Variants in SRF observed in about 807,000 individuals in gnomAD.
The protein encoded by SRF is c-fos serum response element-binding transcription factor.
A neutral mutation model predicts 37.1 loss-of-function variants in SRF; 7 were observed. The observed-to-expected ratio is 0.19, with a 90% CI of 0.11 to 0.35. The LOEUF (loss-of-function observed/expected upper bound fraction) is 0.35, where lower values mean the gene tolerates loss of function less well. SRF is among the 10% of genes least tolerant of loss of function. SRF has a pLI of 1.00. For synonymous variants in SRF, 285 were observed against 310.1 expected (o/e 0.92, Z 0.85); for missense variants, 395 against 694.4 (o/e 0.57, Z 4.85).
Position 43,179,309 on chromosome 6 carries a change from C to T in SRF, c.*119C>T, listed in dbSNP as rs979032670. On this transcript the variant is annotated 3_prime_UTR_variant, in exon 7 of 7. Coordinates refer to ENST00000265354, the MANE Select transcript of SRF (RefSeq NM_003131.4). This position sits in a 1 kb window ranked among gnomAD's most constrained non-coding sequence, Gnocchi z 5.3. ...GCAGGAGGGAGGCGGGGAGGAGGAACGGGCAGCCACAGGACTGAGCCCTCT... is the reference window on the plus strand; with the variant it reads ...GCAGGAGGGAGGCGGGGAGGAGGAATGGGCAGCCACAGGACTGAGCCCTCT... 2.4e-5 allele frequency: 25 copies of T among 1,057,830 alleles called. No individual in the cohort carries two copies. Among genetic ancestry groups the T allele is most frequent in the Admixed American group, 1.0e-4 (5 of 48,712 alleles). The allele number at this position is 1,057,830 out of a possible 1,614,324, so 65.5% of individuals were successfully genotyped here.
chr6:43,171,792 G>A lies in SRF; in HGVS notation c.136G>A (p.Gly46Arg). ...CGGGGCTAACGGGGGCCGGGTCCCC[G>A]GGAATGGCGCGGGGCTCGGGCCCGG... ...TRGANGGRVP[G>R]NGAGLGPGRL... Residue 46 changes from glycine (G) to arginine (R), a missense_variant, in exon 1 of 7, where the codon GGG (glycine) becomes AGG (arginine). By Grantham distance (125) the Gly-to-Arg change is moderately radical (BLOSUM62 -2). Around this residue, in one of 4 missense-constraint regions of SRF, gnomAD observed 134 missense variants for 204.5 expected, o/e 0.66. Coordinates refer to ENST00000265354, the MANE Select transcript of SRF (RefSeq NM_003131.4). This position sits in a 1 kb window ranked among gnomAD's most constrained non-coding sequence, Gnocchi z 6.5. The A allele has an allele frequency of 8.2e-7, 1 of 1,218,814 alleles. No individual in the cohort carries two copies. Among genetic ancestry groups the A allele is most frequent in the Non-Finnish European group, 1.0e-6 (1 of 980,102 alleles). The allele number at this position is 1,218,814 out of a possible 1,614,324, so 75.5% of individuals were successfully genotyped here.
In SRF at chr6:43,180,655, TA is replaced by T. The variant is rs1388263103; in HGVS notation, c.*1466del. 3 of 152,620 alleles carry T rather than the reference TA, an allele frequency of 2.0e-5. No individual in the cohort carries two copies. The highest frequency in any genetic ancestry group is 7.2e-5 in the African/African-American group (3 of 41,428). 9.5% of individuals were successfully genotyped at this position (152,620 alleles called of 1,614,324 possible). ...GGTAGACCTTGAGGGTGGGCCAGCA[TA>T]GGGGGGAGGGTCTTTTACCCTGTGT... On this transcript the variant is annotated 3_prime_UTR_variant, in exon 7 of 7. Coordinates refer to ENST00000265354, the MANE Select transcript of SRF (RefSeq NM_003131.4).
rs764876728 is a variant in SRF, at chr6:43,178,465, A to C, written c.1334A>C (p.His445Pro). ...SQAPSTMQVSHSQVQEPGGVP... is the reference protein window; with the variant it reads ...SQAPSTMQVSPSQVQEPGGVP... ...GCACCATCCACCATGCAGGTGTCAC[A>C]CAGCCAGGTCCAGGAGCCAGGTGAG... Residue 445 changes from histidine to proline, a missense_variant, in exon 5 of 7, where the codon CAC (histidine) becomes CCC (proline). Physicochemically the swap from His to Pro is moderately conservative, Grantham distance 77 (BLOSUM62 -2). Transcript: ENST00000265354. This position sits in a 1 kb window ranked among gnomAD's most constrained non-coding sequence, Gnocchi z 4.3. 6.2e-7 allele frequency: 1 copy of C among 1,613,788 alleles called. No homozygotes were observed. Among genetic ancestry groups the C allele is most frequent in the Non-Finnish European group, 8.5e-7 (1 of 1,179,750 alleles).
At chr6:43,174,138 A>G (rs1288719097) in intron 2 of SRF, 25 bp downstream of exon 2, 1 of 1,612,050 alleles carries the variant, frequency 6.2e-7, no homozygotes, top group East Asian at 2.2e-5. Flanking sequence ...CCTATGTGAG[A>G]GGAGGGAAGG....
rs1772250341 is a variant in SRF at position 43,178,695 on chromosome 6, G to T, written c.1355-111G>T. 7.5e-7 allele frequency: 1 copy of T among 1,325,642 alleles called. No individual in the cohort carries two copies. The highest frequency in any genetic ancestry group is 1.1e-6 in the Non-Finnish European group (1 of 926,846). The allele number at this position is 1,325,642 out of a possible 1,614,324, so 82.1% of individuals were successfully genotyped here. A position where few individuals can be genotyped will look rare whatever the true frequency, so the allele number is the denominator to read the frequency against. ...CAGACACACTGGCACCCTTTCCCTT[G>T]GGCTCTTACATCTGAGACTGCCCCA... is the stretch of plus-strand genomic sequence containing the variant. On this transcript the variant is annotated intron_variant, in intron 5 of 6. Transcript: ENST00000265354. The surrounding 1 kb of genome is among the most constrained non-coding windows in gnomAD (Gnocchi z 4.3).
chr6:43,173,746 A>C lies in SRF; in HGVS notation c.514-101A>C. The C allele has an allele frequency of 2.1e-6, 3 of 1,455,792 alleles. No homozygotes were observed. In the South Asian group the frequency reaches 4.0e-5, roughly 20 times the overall value. The allele number at this position is 1,455,792 out of a possible 1,614,324, so 90.2% of individuals were successfully genotyped here. A position where few individuals can be genotyped will look rare whatever the true frequency, so the allele number is the denominator to read the frequency against. On this transcript the variant is annotated intron_variant, in intron 1 of 6. Transcript: ENST00000265354. The surrounding 1 kb of genome is among the most constrained non-coding windows in gnomAD (Gnocchi z 4.2). ...CATTAGAGACGAAGGTCATTATGGGAATGGGGGAATGACATCACTGTATAA... is the reference window on the plus strand; with the variant it reads ...CATTAGAGACGAAGGTCATTATGGGCATGGGGGAATGACATCACTGTATAA...
intron 2 of SRF, among the ~76,000 whole-genome samples, chr6:43,174,333 C>T (rs1038364303): frequency 6.6e-6 from 1 of 152,250 alleles, no homozygotes; most frequent in Non-Finnish European, 1.5e-5. Flanking sequence ...TTGGGCTCCA[C>T]GCCGGCCTCC....
Position 43,173,822 on chromosome 6 carries a change from G to A in SRF, c.514-25G>A. ...GTAGAGATAAAAAGTTTGCTGACCTGCCCATCTCCCTCCTCACCCCTCAGG... is the reference window on the plus strand; with the variant it reads ...GTAGAGATAAAAAGTTTGCTGACCTACCCATCTCCCTCCTCACCCCTCAGG... On this transcript the variant is annotated intron_variant, in intron 1 of 6. Transcript: ENST00000265354. This position sits in a 1 kb window ranked among gnomAD's most constrained non-coding sequence, Gnocchi z 4.2. The A allele has an allele frequency of 6.2e-7, 1 of 1,604,366 alleles. No individual in the cohort carries two copies. Among genetic ancestry groups the A allele is most frequent in the Non-Finnish European group, 8.5e-7 (1 of 1,173,318 alleles).
In SRF at chr6:43,176,646, C is replaced by G. The variant is rs1198226674; in HGVS notation, c.1141C>G (p.Gln381Glu). Residue 381 changes from glutamine to glutamate, a missense_variant, in exon 4 of 7, where the codon CAG becomes GAG. Physicochemically the swap from Gln to Glu is conservative, Grantham distance 29. This residue lies in a region of SRF where 232 missense variants were observed against 335.6 expected (regional missense o/e 0.69). Coordinates refer to ENST00000265354, the MANE Select transcript of SRF (RefSeq NM_003131.4). This position sits in a 1 kb window ranked among gnomAD's most constrained non-coding sequence, Gnocchi z 4.0. ...CCGTGACAGCAGCACAGACCTCACG[C>G]AGACCTCCTCCAGCGGGACAGGTAT... ...PSRDSSTDLT[Q>E]TSSSGTVTLP... 1 of 1,614,164 alleles carries G rather than the reference C, an allele frequency of 6.2e-7. No individual in the cohort carries two copies. The highest frequency in any genetic ancestry group is 8.5e-7 in the Non-Finnish European group (1 of 1,180,030).
rs558848086 is a variant in SRF at position 43,178,521 on chromosome 6, G to A, written c.1354+36G>A. The A allele has an allele frequency of 1.9e-4, 304 of 1,587,518 alleles. 4 individuals carry two copies. In the Middle Eastern group the frequency reaches 2.8e-3, roughly 15 times the overall value. Reference sequence around the variant, plus strand: ...GAGCAGGGCTAAGGAAAGGAGGACCGTTTCCTTCTTTATACACACACACAC... The same window carrying A: ...GAGCAGGGCTAAGGAAAGGAGGACCATTTCCTTCTTTATACACACACACAC... On this transcript the variant is annotated intron_variant, in intron 5 of 6. Transcript: ENST00000265354. This position sits in a 1 kb window ranked among gnomAD's most constrained non-coding sequence, Gnocchi z 4.3.
rs192971989 is a variant in SRF at position 43,174,307 on chromosome 6, C to G, written c.780+194C>G. Among the ~76,000 whole-genome samples, 172 of 152,324 alleles carry G rather than the reference C, an allele frequency of 1.1e-3. 1 individual carries two copies. The highest frequency in any genetic ancestry group is 2.0e-3 in the Non-Finnish European group (139 of 68,008). On this transcript the variant is annotated intron_variant, in intron 2 of 6. Coordinates refer to ENST00000265354, the MANE Select transcript of SRF (RefSeq NM_003131.4). Reference sequence around the variant, plus strand: ...CCTAGATAAGCGGGCGGCCTCCGTGCCCATATAAGGCCGGCTTGGGCTCCA... The same window carrying G: ...CCTAGATAAGCGGGCGGCCTCCGTGGCCATATAAGGCCGGCTTGGGCTCCA...
chr6:43,176,844 C>T lies in SRF; in HGVS notation c.1162+177C>T, dbSNP rs1272163998. On this transcript the variant is annotated intron_variant, in intron 4 of 6. Transcript: ENST00000265354. The surrounding 1 kb of genome is among the most constrained non-coding windows in gnomAD (Gnocchi z 4.0). ...GTGAGGATGACTGGGTTTTGAATCC[C>T]GCCCTGCAGTGGGCTGCGGATTCCA... 5.3e-5 allele frequency among the ~76,000 whole-genome samples: 8 copies of T among 152,128 alleles called. No homozygotes were observed. The highest frequency in any genetic ancestry group is 1.9e-4 in the East Asian group (1 of 5,192).
rs150997102 is a variant in SRF at position 43,179,118 on chromosome 6, C to T, written c.1455C>T (p.Ala485=). The change falls in exon 7 of 7, where the codon GCC becomes GCT. Residue 485 remains alanine (A), a synonymous_variant. Coordinates refer to ENST00000265354, the MANE Select transcript of SRF (RefSeq NM_003131.4). This position sits in a 1 kb window ranked among gnomAD's most constrained non-coding sequence, Gnocchi z 5.3. ...AGATGGCTGTGATAGGGCAGCAGGC[C>T]GGGAGCAGCAGCAACCTCACCGAGC... ...LHQMAVIGQQ[A]GSSSNLTELQ... 2.0e-5 allele frequency: 32 copies of T among 1,614,152 alleles called. No individual in the cohort carries two copies. The Admixed American group carries it at 2.0e-4, about 10-fold the overall frequency.
Position 43,175,820 on chromosome 6 carries a change from A to G in SRF, c.895A>G (p.Ile299Val). Residue 299 changes from isoleucine (I) to valine (V), a missense_variant, in exon 3 of 7, where the codon ATC (isoleucine) becomes GTC (valine). Ile to Val is a conservative substitution (Grantham distance 29). Around this residue, in one of 4 missense-constraint regions of SRF, gnomAD observed 232 missense variants for 335.6 expected, o/e 0.69. Coordinates refer to ENST00000265354, the MANE Select transcript of SRF (RefSeq NM_003131.4). ...MQVSSGPSFP[I>V]TNYLAPVSAS... The stretch of plus-strand genomic sequence containing the variant: ...AGTCAGCAGCGGCCCCTCCTTTCCC[A>G]TCACCAACTACCTGGCACCAGTGTC... 1 of 1,614,122 alleles carries G rather than the reference A, an allele frequency of 6.2e-7. No individual in the cohort carries two copies. Among genetic ancestry groups the G allele is most frequent in the Non-Finnish European group, 8.5e-7 (1 of 1,180,004 alleles).
In SRF at chr6:43,176,695, C is replaced by T. The variant is rs41274922; in HGVS notation, c.1162+28C>T. ...ATAGCTCGCAGCCCTGTCACCCTCC[C>T]TCCCTGCCTTCCCCCACGAGGCCTA... On this transcript the variant is annotated intron_variant, in intron 4 of 6. Coordinates refer to ENST00000265354, the MANE Select transcript of SRF (RefSeq NM_003131.4). This position sits in a 1 kb window ranked among gnomAD's most constrained non-coding sequence, Gnocchi z 4.0. 11 of 1,606,924 alleles carry T rather than the reference C, an allele frequency of 6.8e-6. No individual in the cohort carries two copies. The highest frequency in any genetic ancestry group is 9.4e-6 in the Non-Finnish European group (11 of 1,174,656).
chr6:43,172,067 T>A lies in SRF; in HGVS notation c.411T>A (p.Gly137=), dbSNP rs748460414. ...GCGCGGTGAGCGGGGCCAAGCCGGG[T>A]AAGAAGACCCGGGGCCGCGTGAAGA... The part of the protein sequence containing the change: ...VSGAVSGAKP[G]KKTRGRVKIK... Residue 137 remains glycine, a synonymous_variant, in exon 1 of 7, where the codon GGT becomes GGA. Transcript: ENST00000265354. This position sits in a 1 kb window ranked among gnomAD's most constrained non-coding sequence, Gnocchi z 5.7. 76 of 1,609,234 alleles carry A rather than the reference T, an allele frequency of 4.7e-5. No homozygotes were observed. The highest frequency in any genetic ancestry group is 6.0e-5 in the Non-Finnish European group (71 of 1,178,736).
In SRF at chr6:43,179,224, A is replaced by G. The variant is rs981610848; in HGVS notation, c.*34A>G. 1 of 1,607,504 alleles carries G rather than the reference A, an allele frequency of 6.2e-7. No individual in the cohort carries two copies. The highest frequency in any genetic ancestry group is 8.5e-7 in the Non-Finnish European group (1 of 1,174,152). On this transcript the variant is annotated 3_prime_UTR_variant, in exon 7 of 7. Coordinates refer to ENST00000265354, the MANE Select transcript of SRF (RefSeq NM_003131.4). This position sits in a 1 kb window ranked among gnomAD's most constrained non-coding sequence, Gnocchi z 5.3. Reference sequence around the variant, plus strand: ...CCGCCCTGGACAGATGGCCCAAGGGATGGCACCACTTATTTATTGTTGCCT... The same window carrying G: ...CCGCCCTGGACAGATGGCCCAAGGGGTGGCACCACTTATTTATTGTTGCCT...
Position 43,171,977 on chromosome 6 carries a change from C to A in SRF, c.321C>A (p.Ile107=). The A allele has an allele frequency of 6.5e-7, 1 of 1,542,452 alleles. No individual in the cohort carries two copies. Among genetic ancestry groups the A allele is most frequent in the South Asian group, 1.2e-5 (1 of 83,748 alleles). ...GLKRSLSEME[I]GMVVGGPEAS... ...AGCGGAGCCTGAGCGAGATGGAGAT[C>A]GGTATGGTGGTCGGTGGGCCCGAGG... The change falls in exon 1 of 7, where the codon ATC becomes ATA. Residue 107 remains isoleucine (I), a synonymous_variant. Transcript: ENST00000265354. The surrounding 1 kb of genome is among the most constrained non-coding windows in gnomAD (Gnocchi z 6.5).
In SRF at chr6:43,179,448, A is replaced by C. The variant is rs1269765284; in HGVS notation, c.*258A>C. ...TGGAGGGGCTGTCCTCCTTCCTGGG[A>C]CCCCCTCGCCAGCTTGGCTCGATGT... On this transcript the variant is annotated 3_prime_UTR_variant, in exon 7 of 7. Transcript: ENST00000265354. This position sits in a 1 kb window ranked among gnomAD's most constrained non-coding sequence, Gnocchi z 5.3. 2 of 532,646 alleles carry C rather than the reference A, an allele frequency of 3.8e-6. No individual in the cohort carries two copies. Among genetic ancestry groups the C allele is most frequent in the Non-Finnish European group, 6.8e-6 (2 of 293,834 alleles). The allele number at this position is 532,646 out of a possible 1,614,324, so 33.0% of individuals were successfully genotyped here.
Sources: gnomAD v4.1 joint callset for allele counts (sites outside exome capture counted in the v4.1 genomes callset) on GRCh38, gnomAD v4.1.1 for gene constraint, gnomAD v4.1.1 regional missense constraint, Gnocchi (gnomAD v3.1) non-coding constraint, MANE v1.5 for transcripts, NCBI Gene and HGNC (gene_info 2026-07-23, HGNC 2026-07-21) for gene names.